RYR3: variants seen among roughly 807,000 people sequenced by gnomAD.
RYR3 encodes the protein brain ryanodine receptor-calcium release channel.
RYR3 carries 207 observed loss-of-function variants against 584.3 expected under a neutral mutation model. That is an observed-to-expected ratio of 0.35 (90% CI 0.32 to 0.40). RYR3 has a LOEUF of 0.40. RYR3 is among the 10% of genes least tolerant of loss of function. The probability of loss-of-function intolerance (pLI) is 1.00; values close to 1 mark genes in which losing one functional copy is unlikely to be tolerated. For missense variants in RYR3, 5,616 were observed against 6,089.2 expected (o/e 0.92, Z 2.59); for synonymous variants, 2,416 against 2,248.5 (o/e 1.07, Z -2.11).
chr15:33,833,495 A>G (rs528095797), intron 86 of RYR3, among the ~76,000 whole-genome samples: 1 of 152,364 alleles, frequency 6.6e-6, no homozygotes, highest in East Asian at 1.9e-4. Flanking sequence ...CTCAAGCGTT[A>G]TAAGGACATG....
chr15:33,771,537 A>AT (rs2073576184), intron 62 of RYR3, among the ~76,000 whole-genome samples: 2 of 152,018 alleles, frequency 1.3e-5, no homozygotes, highest in South Asian at 4.2e-4. Context: ...TGTCTCAAAA[A>AT]AAAAAAAGTT....
chr15:33,720,032 T>A (rs940328127), intron 43 of RYR3, among the ~76,000 whole-genome samples: 2 of 152,232 alleles, frequency 1.3e-5, no homozygotes, highest in Non-Finnish European at 1.5e-5. Context: ...GAAGACAAAC[T>A]TCTTTACAAA....
Position 33,407,868 on chromosome 15 carries a change from G to A in RYR3, c.52-65551G>A, listed in dbSNP as rs571644215. 3.3e-5 allele frequency among the ~76,000 whole-genome samples: 5 copies of A among 152,242 alleles called. No homozygotes were observed. The South Asian group carries it at 1.0e-3, about 32-fold the overall frequency. ...GTTAGTTAACATGTGAGCATTTCCTGTGGCATGTATATATTACTTGTTTCC... is the reference window on the plus strand; with the variant it reads ...GTTAGTTAACATGTGAGCATTTCCTATGGCATGTATATATTACTTGTTTCC... On this transcript the variant is annotated intron_variant, in intron 1 of 103. Transcript: ENST00000634891.
intron 1 of RYR3, among the ~76,000 whole-genome samples, chr15:33,462,612 G>C (rs571628756): frequency 5.9e-5 from 9 of 152,192 alleles, no homozygotes; most frequent in African/African-American, 1.9e-4. Context: ...ATGATAAATA[G>C]GAAGATAAAT....
At chr15:33,805,629 C>T (rs2076153380) in intron 69 of RYR3, among the ~76,000 whole-genome samples, 1 of 151,986 alleles carries the variant, frequency 6.6e-6, no homozygotes, top group Admixed American at 6.6e-5. Context: ...AGGTGCCCGC[C>T]ACCACGCCCG....
intron 37 of RYR3, among the ~76,000 whole-genome samples, 190 bp downstream of exon 37, chr15:33,669,646 A>T (rs1338254466): frequency 6.6e-6 from 1 of 152,228 alleles, no homozygotes; most frequent in Non-Finnish European, 1.5e-5. Context: ...GACAGAATAT[A>T]TGACCAAAAT....
At chr15:33,851,278 T>C (rs958153658) in intron 94 of RYR3, 4 of 152,160 alleles carry the variant, frequency 2.6e-5, no homozygotes, top group Non-Finnish European at 5.9e-5. Flanking sequence ...TGCTGAATAG[T>C]AGGATATGCA....
chr15:33,357,082 C>T (rs1168120413), intron 1 of RYR3, among the ~76,000 whole-genome samples: 1 of 152,116 alleles, frequency 6.6e-6, no homozygotes, highest in Non-Finnish European at 1.5e-5. Flanking sequence ...TATGCCACCT[C>T]TGACTTTGCT....
chr15:33,508,169 T>G (rs1057231625), intron 3 of RYR3, among the ~76,000 whole-genome samples: 1 of 152,180 alleles, frequency 6.6e-6, no homozygotes, highest in Non-Finnish European at 1.5e-5. Context: ...ATGTCAGATC[T>G]TTACAACTAC....
At chr15:33,359,271 A>T (rs568937940) in intron 1 of RYR3, among the ~76,000 whole-genome samples, 6 of 152,218 alleles carry the variant, frequency 3.9e-5, no homozygotes, top group Non-Finnish European at 7.3e-5. Context: ...CACAACAAAC[A>T]GACAAAGGCC....
At position 33,712,046 on chromosome 15, in the gene RYR3, A is replaced by G. The variant is rs138299239; in HGVS notation, c.6619+4992A>G. On this transcript the variant is annotated intron_variant, in intron 43 of 103. Coordinates refer to ENST00000634891, the MANE Select transcript of RYR3 (RefSeq NM_001036.6). ...GCTTTACAGGAAGCATGGTGCTAGC[A>G]TCTGCTTGGCTTCTGGTGAAGCCTC... Among the ~76,000 whole-genome samples the G allele has an allele frequency of 3.1e-3, 472 of 152,320 alleles. 2 individuals are homozygous for G. The highest frequency in any genetic ancestry group is 5.5e-3 in the Non-Finnish European group (371 of 68,038).
At chr15:33,801,823 C>T (rs1187013924) in intron 68 of RYR3, 46 bp from the exon 69 acceptor site, 24 of 1,032,968 alleles carry the variant, frequency 2.3e-5, no homozygotes, top group Admixed American at 1.1e-4. Context: ...TTTTGGTTTA[C>T]AGAACTTTCT....
rs1967903724 is a variant in RYR3, at chr15:33,314,882, CTA to C, written c.51+3787_51+3788del. 2.0e-5 allele frequency among the ~76,000 whole-genome samples: 3 copies of C among 151,912 alleles called. No homozygotes were observed. The South Asian group carries it at 6.2e-4, about 32-fold the overall frequency. ...TGAGCCGAGATTGCGCCACTGGACTCTAGCCTGGGCGGCAGAGCAAGACTCAG... is the reference window on the plus strand; with the variant it reads ...TGAGCCGAGATTGCGCCACTGGACTCGCCTGGGCGGCAGAGCAAGACTCAG... On this transcript the variant is annotated intron_variant, in intron 1 of 103. Coordinates refer to ENST00000634891, the MANE Select transcript of RYR3 (RefSeq NM_001036.6).
At chr15:33,425,832 CG>C (rs1476068211) in intron 1 of RYR3, among the ~76,000 whole-genome samples, 3 of 150,964 alleles carry the variant, frequency 2.0e-5, no homozygotes, top group South Asian at 2.1e-4. Flanking sequence ...TTAGTAGAGA[CG>C]GGGTTTCACC....
At chr15:33,793,657 C>A (rs902812238) in intron 67 of RYR3, among the ~76,000 whole-genome samples, 1 of 151,966 alleles carries the variant, frequency 6.6e-6, no homozygotes, top group African/African-American at 2.4e-5. Context: ...AAGTTTAAGG[C>A]CCTAAAATAC....
At chr15:33,362,432 C>T (rs928950038) in intron 1 of RYR3, among the ~76,000 whole-genome samples, 12 of 152,156 alleles carry the variant, frequency 7.9e-5, no homozygotes, top group Non-Finnish European at 1.5e-5. Flanking sequence ...GCAGCAGCAG[C>T]AGCAGCATCA....
rs1268841880 is a variant in RYR3, at chr15:33,810,648, A to G, written c.10196A>G (p.His3399Arg). 3.1e-6 allele frequency: 5 copies of G among 1,613,892 alleles called. No individual in the cohort carries two copies. The highest frequency in any genetic ancestry group is 3.4e-6 in the Non-Finnish European group (4 of 1,179,882). Residue 3399 changes from histidine to arginine, a missense_variant and splice_region_variant, in exon 71 of 104, where the codon CAT becomes CGT. Transcript: ENST00000634891. Reference protein sequence around the residue: ...LISLAKSRYSHRDTDEEVREH... With the variant: ...LISLAKSRYSRRDTDEEVREH... ...TCCCTCGCAAAATCGCGATACAGCCATGTAAGCTGCCCGTCTGCCTGGGCT... is the reference window on the plus strand; with the variant it reads ...TCCCTCGCAAAATCGCGATACAGCCGTGTAAGCTGCCCGTCTGCCTGGGCT...
chr15:33,667,444 C>T (rs2063546332), intron 36 of RYR3, among the ~76,000 whole-genome samples: 1 of 152,118 alleles, frequency 6.6e-6, no homozygotes. Flanking sequence ...CTGACTTTGA[C>T]ACCAACCAAA....
At chr15:33,837,110 C>A (rs988794664) in intron 88 of RYR3, 123 bp downstream of exon 88, 4 of 753,312 alleles carry the variant, frequency 5.3e-6, no homozygotes, top group Non-Finnish European at 8.5e-6. Flanking sequence ...GGTCAGAAAG[C>A]CAAATTTTCA....
Sources: gnomAD v4.1 joint callset for allele counts (sites outside exome capture counted in the v4.1 genomes callset) on GRCh38, gnomAD v4.1.1 for gene constraint, MANE v1.5 for transcripts, NCBI Gene and HGNC (gene_info 2026-07-23, HGNC 2026-07-21) for gene names.